EXOC6B: variants seen among roughly 807,000 people sequenced by gnomAD.
EXOC6B encodes SEC15 homolog B.
In EXOC6B, 54 loss-of-function variants were observed where a neutral mutation model predicts 113.5. The observed-to-expected ratio is 0.48, with a 90% CI of 0.38 to 0.60. The LOEUF is 0.60. Among genes scored for constraint, EXOC6B ranks in the 20% least tolerant of loss-of-function variants. The probability of loss-of-function intolerance (pLI) is 0.00; values close to 1 mark genes in which losing one functional copy is unlikely to be tolerated. For synonymous variants in EXOC6B, 357 were observed against 339.0 expected (o/e 1.05, Z -0.58); for missense variants, 797 against 977.5 (o/e 0.82, Z 2.46).
At chr2:72,800,230 C>A (rs962348538) in intron 1 of EXOC6B, among the ~76,000 whole-genome samples, 1 of 152,042 alleles carries the variant, frequency 6.6e-6, no homozygotes, top group Non-Finnish European at 1.5e-5. Flanking sequence ...TTATTATTCC[C>A]AGGCATTCTT....
intron 16 of EXOC6B, among the ~76,000 whole-genome samples, chr2:72,487,466 T>C (rs1041700005): frequency 2.0e-5 from 3 of 152,202 alleles, no homozygotes; most frequent in Non-Finnish European, 2.9e-5. Flanking sequence ...TTTCAAGCGA[T>C]TCTCCCGGCT....
In EXOC6B at chr2:72,498,238, A is replaced by G. The variant is rs147781118; in HGVS notation, c.1337+216T>C. 5.9e-4 allele frequency among the ~76,000 whole-genome samples: 90 copies of G among 152,354 alleles called. 3 individuals are homozygous for G. The East Asian group carries it at 0.013, about 21-fold the overall frequency. On this transcript the variant is annotated intron_variant, in intron 13 of 21. Coordinates refer to ENST00000272427, the MANE Select transcript of EXOC6B (RefSeq NM_015189.3). ...ATAGGGTTTGGGGACTTCCCACTACAGTAGACACTAATACACTGAGACTGG... is the reference window on the plus strand; with the variant it reads ...ATAGGGTTTGGGGACTTCCCACTACGGTAGACACTAATACACTGAGACTGG...
intron 6 of EXOC6B, among the ~76,000 whole-genome samples, chr2:72,625,875 A>G (rs1035514366): frequency 6.6e-6 from 1 of 152,194 alleles, no homozygotes; most frequent in Non-Finnish European, 1.5e-5. Context: ...ATGGTTTTCA[A>G]CTGAATTTAC....
chr2:72,492,334 T>C lies in EXOC6B; in HGVS notation c.1649A>G (p.Asn550Ser), dbSNP rs779595686. Residue 550 changes from asparagine (N) to serine (S), a missense_variant, in exon 16 of 22, where the codon AAT becomes AGT. Transcript: ENST00000272427. ...CAGGTTTACCTCAGTAAGCCCAATA[T>C]TCTTCCTTTTAATTACATTCTGCAG... ...NSLQNVIKRK[N>S]IGLTELVQII... 3.7e-6 allele frequency: 6 copies of C among 1,611,618 alleles called. No individual in the cohort carries two copies. Among genetic ancestry groups the C allele is most frequent in the Non-Finnish European group, 5.1e-6 (6 of 1,178,128 alleles).
intron 18 of EXOC6B, among the ~76,000 whole-genome samples, chr2:72,457,703 G>A (rs549831201): frequency 6.6e-6 from 1 of 151,746 alleles, no homozygotes; most frequent in African/African-American, 2.4e-5. Context: ...ACTGAAGTCT[G>A]AAAAAAAATG....
chr2:72,739,579 T>G (rs1681177640), intron 2 of EXOC6B, among the ~76,000 whole-genome samples: 1 of 152,092 alleles, frequency 6.6e-6, no homozygotes, highest in African/African-American at 2.4e-5. Context: ...TTTAGAAATT[T>G]TGTTTAGAAA....
chr2:72,675,584 GGAGTTT>G (rs1234107337), intron 6 of EXOC6B, among the ~76,000 whole-genome samples: 1 of 152,132 alleles, frequency 6.6e-6, no homozygotes, highest in African/African-American at 2.4e-5. Flanking sequence ...CTTGAGCCCA[GGAGTTT>G]GAGACCAGCC....
intron 6 of EXOC6B, among the ~76,000 whole-genome samples, chr2:72,639,942 C>A (rs1673109463): frequency 6.6e-6 from 1 of 152,196 alleles, no homozygotes; most frequent in Non-Finnish European, 1.5e-5. Context: ...GGCCTGACAA[C>A]TCAAAAAGCC....
Position 72,645,852 on chromosome 2 carries a change from A to G in EXOC6B, c.670-70184T>C, listed in dbSNP as rs972265639. Reference sequence around the variant, plus strand: ...CAAAAGAAAGCAGGAAAGATCTAAAATCAACACCCTAACATCACAATTAAA... The same window carrying G: ...CAAAAGAAAGCAGGAAAGATCTAAAGTCAACACCCTAACATCACAATTAAA... On this transcript the variant is annotated intron_variant, in intron 6 of 21. Transcript: ENST00000272427. Among the ~76,000 whole-genome samples the G allele has an allele frequency of 5.3e-5, 8 of 152,340 alleles. 1 individual carries two copies. The highest frequency in any genetic ancestry group is 1.9e-4 in the African/African-American group (8 of 41,594).
At chr2:72,223,098 G>A (rs979555865) in intron 20 of EXOC6B, among the ~76,000 whole-genome samples, 1 of 152,140 alleles carries the variant, frequency 6.6e-6, no homozygotes, top group Non-Finnish European at 1.5e-5. Flanking sequence ...ACAGCTGCCT[G>A]TTCCTTGGTC....
In EXOC6B at chr2:72,469,166, A is replaced by G. The variant is rs116504981; in HGVS notation, c.1801-3827T>C. On this transcript the variant is annotated intron_variant, in intron 17 of 21. Transcript: ENST00000272427. Reference sequence around the variant, plus strand: ...AAGTTCTGTGGGTACTTAAAAATGCATAATGTCACTAATTCACCATTACAG... The same window carrying G: ...AAGTTCTGTGGGTACTTAAAAATGCGTAATGTCACTAATTCACCATTACAG... Among the ~76,000 whole-genome samples, 964 of 152,240 alleles carry G rather than the reference A, an allele frequency of 6.3e-3. 5 individuals carry two copies. Among genetic ancestry groups the G allele is most frequent in the African/African-American group, 0.022 (931 of 41,556 alleles).
At chr2:72,275,990 T>C (rs1684788975) in intron 20 of EXOC6B, among the ~76,000 whole-genome samples, 1 of 152,054 alleles carries the variant, frequency 6.6e-6, no homozygotes. Context: ...CAAACATTCC[T>C]GAGAGAGCAC....
intron 19 of EXOC6B, among the ~76,000 whole-genome samples, chr2:72,342,903 CAA>C (rs1329382914): frequency 6.6e-6 from 1 of 152,082 alleles, no homozygotes; most frequent in African/African-American, 2.4e-5. Context: ...ATCAGTATCT[CAA>C]AGAGATATCT....
At chr2:72,810,797 G>A (rs1685866122) in intron 1 of EXOC6B, among the ~76,000 whole-genome samples, 1 of 152,006 alleles carries the variant, frequency 6.6e-6, no homozygotes, top group African/African-American at 2.4e-5. Context: ...AATAGGCCAG[G>A]CATAGTAGCA....
intron 8 of EXOC6B, among the ~76,000 whole-genome samples, chr2:72,545,232 T>C (rs1195333887): frequency 1.3e-5 from 2 of 152,114 alleles, no homozygotes; most frequent in African/African-American, 4.8e-5. Flanking sequence ...AGATCAATGG[T>C]TGGTGAGATG....
intron 11 of EXOC6B, among the ~76,000 whole-genome samples, chr2:72,504,542 T>C (rs1700500678): frequency 1.3e-5 from 2 of 152,192 alleles, no homozygotes; most frequent in Admixed American, 1.3e-4. Flanking sequence ...AGATTATCTA[T>C]TTTACTACTG....
intron 19 of EXOC6B, among the ~76,000 whole-genome samples, chr2:72,366,080 A>G (rs780085822): frequency 6.6e-6 from 1 of 152,210 alleles, no homozygotes; most frequent in East Asian, 1.9e-4. Context: ...CAGGATGCAA[A>G]GAAACAGGAC....
chr2:72,509,844 A>G (rs1433296692), intron 11 of EXOC6B, among the ~76,000 whole-genome samples: 1 of 151,730 alleles, frequency 6.6e-6, no homozygotes, highest in Non-Finnish European at 1.5e-5. Context: ...TTATTTATTT[A>G]TTTTTTTGAG....
At chr2:72,211,467 A>G (rs1040288788) in intron 20 of EXOC6B, among the ~76,000 whole-genome samples, 1 of 152,162 alleles carries the variant, frequency 6.6e-6, no homozygotes, top group African/African-American at 2.4e-5. Context: ...TTTTCTGCAC[A>G]TGCACCTTTA....
Sources: allele counts gnomAD v4.1 joint callset (sites outside exome capture counted in the v4.1 genomes callset), GRCh38; gene constraint gnomAD v4.1.1; transcripts MANE v1.5; gene names NCBI Gene and HGNC (gene_info 2026-07-23, HGNC 2026-07-21).